ALDH1A3: variants seen among roughly 807,000 people sequenced by gnomAD.
The protein encoded by ALDH1A3 is retinaldehyde dehydrogenase 3.
A neutral mutation model predicts 57.5 loss-of-function variants in ALDH1A3; 28 were observed. That is an observed-to-expected ratio of 0.49 (90% CI 0.36 to 0.67). ALDH1A3 has a LOEUF of 0.67. Among genes scored for constraint, ALDH1A3 ranks in the 30% least tolerant of loss-of-function variants. The pLI, the probability that ALDH1A3 is intolerant of heterozygous loss-of-function variation, is 0.00. For synonymous variants in ALDH1A3, 281 were observed against 264.8 expected, an observed-to-expected ratio of 1.06 and a Z score of -0.59; for missense variants, 507 against 669.4, an observed-to-expected ratio of 0.76 and a Z score of 2.68.
rs1276412298 is a variant in ALDH1A3, at chr15:100,912,933, C to T, written c.1467-1768C>T. Reference sequence around the variant, plus strand: ...CAGCACTTTGGGAGGCCGAGGCGGGCGGATCACGAGGTCAGGAGATCGAGA... The same window carrying T: ...CAGCACTTTGGGAGGCCGAGGCGGGTGGATCACGAGGTCAGGAGATCGAGA... On this transcript the variant is annotated intron_variant, in intron 12 of 12. Transcript: ENST00000329841. 6.7e-5 allele frequency among the ~76,000 whole-genome samples: 2 copies of T among 29,738 alleles called. 1 individual carries two copies. Among genetic ancestry groups the T allele is most frequent in the Non-Finnish European group, 1.5e-4 (2 of 13,264 alleles). 19.5% of individuals were successfully genotyped at this position (29,738 alleles called of 152,430 possible).
At chr15:100,883,124 C>T (rs979526468) in intron 1 of ALDH1A3, among the ~76,000 whole-genome samples, 1 of 152,104 alleles carries the variant, frequency 6.6e-6, no homozygotes, top group Admixed American at 6.6e-5. Context: ...TTTTCAGCCC[C>T]CTTATTTATA....
chr15:100,902,403 C>T (rs951565037), intron 9 of ALDH1A3, among the ~76,000 whole-genome samples: 2 of 152,186 alleles, frequency 1.3e-5, no homozygotes, highest in Non-Finnish European at 1.5e-5. Flanking sequence ...TTTTCATCTA[C>T]GGTAATAAGA....
In ALDH1A3 at chr15:100,900,467, C is replaced by T. The variant is rs2041755003; in HGVS notation, c.884-108C>T. 2.0e-6 allele frequency: 2 copies of T among 992,434 alleles called. 1 individual carries two copies. Among genetic ancestry groups the T allele is most frequent in the South Asian group, 3.2e-5 (2 of 62,498 alleles). The allele number at this position is 992,434 out of a possible 1,614,324, so 61.5% of individuals were successfully genotyped here. A position where few individuals can be genotyped will look rare whatever the true frequency, so the allele number is the denominator to read the frequency against. ...TTTCTGAAATGCAGCCATCCTGGGG[C>T]CTGTTTTCTTGTGTGGGCAATTAGA... On this transcript the variant is annotated intron_variant, in intron 8 of 12. Transcript: ENST00000329841.
intron 12 of ALDH1A3, 117 bp downstream of exon 12, chr15:100,908,599 T>TGTCTG: frequency 1.1e-6 from 1 of 909,500 alleles, no homozygotes; most frequent in Non-Finnish European, 1.7e-6. Flanking sequence ...ACCGCCGCTC[T>TGTCTG]GTCTGGGCCA....
chr15:100,906,004 G>T lies in ALDH1A3; in HGVS notation c.1233+317G>T, dbSNP rs908899220. On this transcript the variant is annotated intron_variant, in intron 10 of 12. Coordinates refer to ENST00000329841, the MANE Select transcript of ALDH1A3 (RefSeq NM_000693.4). This position sits in a 1 kb window ranked among gnomAD's most constrained non-coding sequence, Gnocchi z 4.8. ...TGATTTTCTAACACAACCGGTCCCC[G>T]AGTCAGTCATGCAGCCGCAGGTGGA... Among the ~76,000 whole-genome samples the T allele has an allele frequency of 6.6e-6, 1 of 152,090 alleles. No individual in the cohort carries two copies. Among genetic ancestry groups the T allele is most frequent in the Non-Finnish European group, 1.5e-5 (1 of 68,018 alleles).
chr15:100,890,749 C>G (rs2041640859), intron 3 of ALDH1A3, among the ~76,000 whole-genome samples: 1 of 152,216 alleles, frequency 6.6e-6, no homozygotes, highest in African/African-American at 2.4e-5. Flanking sequence ...GAAGTCCTCT[C>G]TCTTGTTCCA....
At chr15:100,892,731 C>T in intron 4 of ALDH1A3, 92 bp downstream of exon 4, 2 of 1,501,438 alleles carry the variant, frequency 1.3e-6, no homozygotes, top group Non-Finnish European at 8.9e-7. Flanking sequence ...TTCCCTAAGG[C>T]ACCATTCCCA....
At chr15:100,882,119 A>G (rs1362741288) in intron 1 of ALDH1A3, among the ~76,000 whole-genome samples, 5 of 152,278 alleles carry the variant, frequency 3.3e-5, no homozygotes, top group East Asian at 1.9e-4. Flanking sequence ...GTGGTCTGCT[A>G]TTTTCCAAAA....
chr15:100,883,309 T>A (rs1237006032), intron 1 of ALDH1A3, among the ~76,000 whole-genome samples: 1 of 152,230 alleles, frequency 6.6e-6, no homozygotes, highest in Non-Finnish European at 1.5e-5. Context: ...TTAACTCTTC[T>A]TCCTCAGTTA....
chr15:100,910,101 T>C (rs1171556502), intron 12 of ALDH1A3, among the ~76,000 whole-genome samples: 1 of 152,122 alleles, frequency 6.6e-6, no homozygotes, highest in Non-Finnish European at 1.5e-5. Flanking sequence ...TCTTGACCAG[T>C]CTATGTGGAA....
At chr15:100,897,936 G>T (rs2041723905) in intron 7 of ALDH1A3, 147 bp from the exon 8 acceptor site, 3 of 640,084 alleles carry the variant, frequency 4.7e-6, no homozygotes, top group Non-Finnish European at 8.5e-6. Context: ...GACAGTGAAG[G>T]GACGGCATCG....
chr15:100,880,241 C>G (rs920223854), intron 1 of ALDH1A3: 7 of 391,658 alleles, frequency 1.8e-5, no homozygotes, highest in Admixed American at 4.5e-5. Flanking sequence ...AAACCGAGGC[C>G]GTCCAGCGCC....
Position 100,892,625 on chromosome 15 carries a change from A to G in ALDH1A3, c.461A>G (p.Lys154Arg). 1 of 1,612,510 alleles carries G rather than the reference A, an allele frequency of 6.2e-7. No individual in the cohort carries two copies. Among genetic ancestry groups the G allele is most frequent in the Non-Finnish European group, 8.5e-7 (1 of 1,179,562 alleles). ...GGGTGGGCAGACAAAATCCAGGGCA[A>G]GACCATCCCCACAGGTGAGCAAGGT... ...FAGWADKIQGKTIPTDDNVVC... is the reference protein window; with the variant it reads ...FAGWADKIQGRTIPTDDNVVC... The change falls in exon 4 of 13, where the codon AAG becomes AGG. Residue 154 changes from lysine (K) to arginine (R), a missense_variant. Lys to Arg is a conservative substitution (Grantham distance 26, BLOSUM62 2). Around this residue, in one of 2 missense-constraint regions of ALDH1A3, gnomAD observed 432 missense variants for 608.4 expected, o/e 0.71. Coordinates refer to ENST00000329841, the MANE Select transcript of ALDH1A3 (RefSeq NM_000693.4).
At position 100,893,044 on chromosome 15, in the gene ALDH1A3, A is replaced by T; in HGVS notation, c.537+38A>T. The T allele has an allele frequency of 6.3e-7, 1 of 1,576,310 alleles. No individual in the cohort carries two copies. The highest frequency in any genetic ancestry group is 1.3e-5 in the African/African-American group (1 of 74,128). ...GCCTTTCTCAGTAGATTCTATGTAG[A>T]TCCTGCCCCACTGCCCTGTGTCCTT... On this transcript the variant is annotated intron_variant, in intron 5 of 12. Coordinates refer to ENST00000329841, the MANE Select transcript of ALDH1A3 (RefSeq NM_000693.4). The surrounding 1 kb of genome is among the most constrained non-coding windows in gnomAD (Gnocchi z 4.8).
rs563474567 is a variant in ALDH1A3 at position 100,887,129 on chromosome 15, G to GA, written c.205-435dup. Among the ~76,000 whole-genome samples, 8 of 152,064 alleles carry GA rather than the reference G, an allele frequency of 5.3e-5. No homozygotes were observed. Among genetic ancestry groups the GA allele is most frequent in the Admixed American group, 3.9e-4 (6 of 15,268 alleles). On this transcript the variant is annotated intron_variant, in intron 2 of 12. Transcript: ENST00000329841. This position sits in a 1 kb window ranked among gnomAD's most constrained non-coding sequence, Gnocchi z 4.6. Reference sequence around the variant, plus strand: ...TGTAGAAATATTAAGATGTAAAGAAGAAAAAAAATCACTTGAACGCTCCCA... The same window carrying GA: ...TGTAGAAATATTAAGATGTAAAGAAGAAAAAAAAATCACTTGAACGCTCCCA...
At position 100,893,010 on chromosome 15, in the gene ALDH1A3, A is replaced by C; in HGVS notation, c.537+4A>C. 6.2e-7 allele frequency: 1 copy of C among 1,613,340 alleles called. No homozygotes were observed. Among genetic ancestry groups the C allele is most frequent in the Non-Finnish European group, 8.5e-7 (1 of 1,179,452 alleles). On this transcript the variant is annotated splice_donor_region_variant and intron_variant, in intron 5 of 12. Transcript: ENST00000329841. This position sits in a 1 kb window ranked among gnomAD's most constrained non-coding sequence, Gnocchi z 4.8. ...TGTCTGTGGGGCCATCACTCCAGTA[A>C]GTATGGCAGCCTTTCTCAGTAGATT...
At chr15:100,911,278 A>G (rs1007398083) in intron 12 of ALDH1A3, among the ~76,000 whole-genome samples, 1 of 152,194 alleles carries the variant, frequency 6.6e-6, no homozygotes, top group Non-Finnish European at 1.5e-5. Flanking sequence ...GGCCACCTGG[A>G]CTGGGCTGGC....
intron 11 of ALDH1A3, among the ~76,000 whole-genome samples, chr15:100,907,844 CTTTTTT>C (rs71151987): frequency 3.7e-5 from 3 of 81,928 alleles, no homozygotes; most frequent in Admixed American, 1.9e-4. Flanking sequence ...TTCTTTCTTT[CTTTTTT>C]TTTTTTTTTT....
chr15:100,901,322 A>C (rs560069698), intron 9 of ALDH1A3, among the ~76,000 whole-genome samples: 1 of 152,358 alleles, frequency 6.6e-6, no homozygotes, highest in South Asian at 2.1e-4. Flanking sequence ...ATCCTGTATC[A>C]CTTTCTTACT....
Sources: gnomAD v4.1 joint callset for allele counts (sites outside exome capture counted in the v4.1 genomes callset) on GRCh38, gnomAD v4.1.1 for gene constraint, gnomAD v4.1.1 regional missense constraint, Gnocchi (gnomAD v3.1) non-coding constraint, MANE v1.5 for transcripts, NCBI Gene and HGNC (gene_info 2026-07-23, HGNC 2026-07-21) for gene names.